Variants in NT5C1A observed in about 807,000 individuals in gnomAD.
NT5C1A encodes 5'-nucleotidase, cytosolic IA.
NT5C1A carries 18 observed loss-of-function variants against 31.0 expected under a neutral mutation model. The ratio of observed to expected loss-of-function variants is 0.58; its 90% CI spans 0.40 to 0.86. NT5C1A has a LOEUF of 0.86. Ranked by LOEUF, NT5C1A falls within the 40% of genes least tolerant of loss-of-function variation. NT5C1A has a pLI of 0.00. For missense variants in NT5C1A, 470 were observed against 505.4 expected (o/e 0.93, Z 0.67); for synonymous variants, 185 against 203.6 (o/e 0.91, Z 0.78).
Position 39,654,335 on chromosome 1 carries a change from T to A in NT5C1A, c.*4786A>T, listed in dbSNP as rs921925438. ...CTCTTCACGACGGACTTGTTCTTGC[T>A]TTCACAGAAAGTACATGGATGACCT... On this transcript the variant is annotated 3_prime_UTR_variant, in exon 6 of 6. Coordinates refer to ENST00000235628, the MANE Select transcript of NT5C1A (RefSeq NM_032526.3). Among the ~76,000 whole-genome samples, 10 of 152,368 alleles carry A rather than the reference T, an allele frequency of 6.6e-5. No homozygotes were observed. The highest frequency in any genetic ancestry group is 2.4e-4 in the African/African-American group (10 of 41,596).
intron 2 of NT5C1A, 136 bp from the exon 3 acceptor site, chr1:39,665,786 T>C: frequency 1.1e-6 from 1 of 914,598 alleles, no homozygotes; most frequent in East Asian, 2.4e-5. Context: ...CTTCTCCTAA[T>C]GCAAGTTGCT....
At chr1:39,662,659 A>G (rs1268437855) in intron 4 of NT5C1A, among the ~76,000 whole-genome samples, 1 of 151,944 alleles carries the variant, frequency 6.6e-6, no homozygotes, top group African/African-American at 2.4e-5. Context: ...AGCCTAAGGA[A>G]CCCTCTCAGG....
In NT5C1A at chr1:39,672,001, C is replaced by T. The variant is rs1646555084; in HGVS notation, c.38G>A (p.Arg13His). Residue 13 changes from arginine to histidine, a missense_variant, in exon 1 of 6, where the codon CGC (arginine) becomes CAC (histidine). Coordinates refer to ENST00000235628, the MANE Select transcript of NT5C1A (RefSeq NM_032526.3). ...GGTCTCCGCTCCTGGCCCGGGCTCG[C>T]GGGGCTCCTGGGGCTCCCGGGGCTG... ...PGQPREPQEPREPGPGAETAA... is the reference protein window; with the variant it reads ...PGQPREPQEPHEPGPGAETAA... 1.2e-6 allele frequency: 2 copies of T among 1,608,024 alleles called. No individual in the cohort carries two copies. Among genetic ancestry groups the T allele is most frequent in the Non-Finnish European group, 1.7e-6 (2 of 1,179,430 alleles).
intron 1 of NT5C1A, among the ~76,000 whole-genome samples, chr1:39,669,631 G>A (rs1646540223): frequency 6.6e-6 from 1 of 152,160 alleles, no homozygotes; most frequent in South Asian, 2.1e-4. Context: ...TGAGAGTCAG[G>A]GGCTGATCCA....
At chr1:39,669,560 G>T (rs1570463144) in intron 1 of NT5C1A, among the ~76,000 whole-genome samples, 1 of 152,194 alleles carries the variant, frequency 6.6e-6, no homozygotes, top group Admixed American at 6.5e-5. Flanking sequence ...GGGAAGAGGG[G>T]CTTCTGCAGG....
At chr1:39,667,969 C>G (rs1646532515) in intron 1 of NT5C1A, among the ~76,000 whole-genome samples, 1 of 152,214 alleles carries the variant, frequency 6.6e-6, no homozygotes, top group Non-Finnish European at 1.5e-5. Context: ...CAAAAGAGTT[C>G]CCCAAGGTCA....
Position 39,655,812 on chromosome 1 carries a change from C to G in NT5C1A, c.*3309G>C, listed in dbSNP as rs368245362. Among the ~76,000 whole-genome samples the G allele has an allele frequency of 1.3e-3, 201 of 152,114 alleles. 2 individuals carry two copies. The highest frequency in any genetic ancestry group is 4.7e-3 in the African/African-American group (197 of 41,502). ...ACAGTGGAAAGGTCAGCTGAGGCCA[C>G]GAGGAGACATTCAGGGGACTCAGCG... On this transcript the variant is annotated 3_prime_UTR_variant, in exon 6 of 6. Transcript: ENST00000235628.
In NT5C1A at chr1:39,659,394, G is replaced by C; in HGVS notation, c.834C>G (p.Tyr278Ter). 1 of 1,613,734 alleles carries C rather than the reference G, an allele frequency of 6.2e-7. No individual in the cohort carries two copies. Among genetic ancestry groups the C allele is most frequent in the Non-Finnish European group, 8.5e-7 (1 of 1,179,990 alleles). Residue 278 changes from tyrosine (Y) to a stop codon, truncating the protein, a stop_gained, in exon 6 of 6, where the codon TAC (tyrosine) becomes TAG (stop). Transcript: ENST00000235628. LOFTEE classifies it high-confidence loss of function. ...TGGCTGCACTGCGTGCTGTCACCAA[G>C]TAGGTACGAATTGGGCACTCCAGCC... ...GLRLECPIRT[Y>*]LVTARSAASS...
chr1:39,659,106 A>G lies in NT5C1A; in HGVS notation c.*15T>C. The stretch of plus-strand genomic sequence containing the variant: ...GAGCCTGGAGCAATGTGGATCAGTA[A>G]AGCCGGTGGTTCAGCTACTGTGCAG... On this transcript the variant is annotated 3_prime_UTR_variant, in exon 6 of 6. Transcript: ENST00000235628. 4 of 1,571,908 alleles carry G rather than the reference A, an allele frequency of 2.5e-6. No individual in the cohort carries two copies. The South Asian group carries it at 3.5e-5, about 14-fold the overall frequency.
In NT5C1A at chr1:39,666,053, G is replaced by A. The variant is rs368240071; in HGVS notation, c.303+16C>T. The stretch of plus-strand genomic sequence containing the variant: ...CGAAGGCGCTATATGAGCTAGTGGT[G>A]GAACTGCTCCCTCACCTTCACAAAA... On this transcript the variant is annotated intron_variant, in intron 2 of 5. Transcript: ENST00000235628. The A allele has an allele frequency of 2.5e-6, 4 of 1,608,362 alleles. No homozygotes were observed. In the African/African-American group the frequency reaches 4.0e-5, roughly 16 times the overall value.
At position 39,658,932 on chromosome 1, in the gene NT5C1A, G is replaced by T. The variant is rs1646476245; in HGVS notation, c.*189C>A. Among the ~76,000 whole-genome samples, 1 of 152,154 alleles carries T rather than the reference G, an allele frequency of 6.6e-6. No individual in the cohort carries two copies. The highest frequency in any genetic ancestry group is 6.6e-5 in the Admixed American group (1 of 15,266). ...TACTCAGGATCATGGCACAGAATTT[G>T]CCCCAAAGGAGGGATGTTGAGAATG... On this transcript the variant is annotated 3_prime_UTR_variant, in exon 6 of 6. Coordinates refer to ENST00000235628, the MANE Select transcript of NT5C1A (RefSeq NM_032526.3).
chr1:39,661,321 G>A (rs1646492349), intron 4 of NT5C1A, 58 bp from the exon 5 acceptor site: 2 of 824,298 alleles, frequency 2.4e-6, no homozygotes, highest in Non-Finnish European at 2.0e-6. Context: ...GGCTAGAGTG[G>A]GCTATCTTAG....
intron 4 of NT5C1A, 86 bp downstream of exon 4, chr1:39,663,226 C>T (rs1646500490): frequency 1.3e-6 from 2 of 1,510,408 alleles, no homozygotes; most frequent in Non-Finnish European, 1.8e-6. Flanking sequence ...ACTCCCAGCA[C>T]CTGCTCGGAA....
rs992461958 is a variant in NT5C1A at position 39,656,580 on chromosome 1, T to C, written c.*2541A>G. On this transcript the variant is annotated 3_prime_UTR_variant, in exon 6 of 6. Coordinates refer to ENST00000235628, the MANE Select transcript of NT5C1A (RefSeq NM_032526.3). ...TTCTGCTTCCAGCATCATATTTTCCTGCTTCCTGAGAGACATGGAATCATC... is the reference window on the plus strand; with the variant it reads ...TTCTGCTTCCAGCATCATATTTTCCCGCTTCCTGAGAGACATGGAATCATC... Among the ~76,000 whole-genome samples the C allele has an allele frequency of 2.6e-5, 4 of 152,276 alleles. No homozygotes were observed. Among genetic ancestry groups the C allele is most frequent in the African/African-American group, 9.6e-5 (4 of 41,478 alleles).
Position 39,659,024 on chromosome 1 carries a change from G to A in NT5C1A, c.*97C>T. 3 of 1,451,968 alleles carry A rather than the reference G, an allele frequency of 2.1e-6. No individual in the cohort carries two copies. The highest frequency in any genetic ancestry group is 2.7e-5 in the South Asian group (2 of 73,530). The allele number at this position is 1,451,968 out of a possible 1,614,324, so 89.9% of individuals were successfully genotyped here. On this transcript the variant is annotated 3_prime_UTR_variant, in exon 6 of 6. Coordinates refer to ENST00000235628, the MANE Select transcript of NT5C1A (RefSeq NM_032526.3). ...AGGGATGAGGGCAGACAGGCAGAAGGACAGAACAGTGAGAAACTAGAGGGA... is the reference window on the plus strand; with the variant it reads ...AGGGATGAGGGCAGACAGGCAGAAGAACAGAACAGTGAGAAACTAGAGGGA...
In NT5C1A at chr1:39,654,476, A is replaced by C. The variant is rs1407166585; in HGVS notation, c.*4645T>G. ...TCATTGCCTAAGAGGCCCCATGAGG[A>C]AATGAGTCGGGAATACAAAGCCATG... On this transcript the variant is annotated 3_prime_UTR_variant, in exon 6 of 6. Coordinates refer to ENST00000235628, the MANE Select transcript of NT5C1A (RefSeq NM_032526.3). 4.6e-5 allele frequency among the ~76,000 whole-genome samples: 7 copies of C among 152,224 alleles called. No homozygotes were observed. Among genetic ancestry groups the C allele is most frequent in the Admixed American group, 3.9e-4 (6 of 15,290 alleles).
intron 5 of NT5C1A, 132 bp downstream of exon 5, chr1:39,660,947 G>A: frequency 1.7e-6 from 1 of 600,376 alleles, no homozygotes; most frequent in Non-Finnish European, 3.1e-6. Context: ...TCAAGTGAGA[G>A]GGTCGAGGGG....
chr1:39,655,366 T>C lies in NT5C1A; in HGVS notation c.*3755A>G, dbSNP rs1177280273. Among the ~76,000 whole-genome samples the C allele has an allele frequency of 2.0e-5, 3 of 152,220 alleles. No individual in the cohort carries two copies. The highest frequency in any genetic ancestry group is 4.4e-5 in the Non-Finnish European group (3 of 68,040). On this transcript the variant is annotated 3_prime_UTR_variant, in exon 6 of 6. Transcript: ENST00000235628. ...CTGGGTTTCTCAAAACTTGGGATTG[T>C]TTGGAAGTGCTTCTGGGGGTTCACA...
chr1:39,652,632 T>C lies in NT5C1A; in HGVS notation c.*6489A>G, dbSNP rs910495927. On this transcript the variant is annotated 3_prime_UTR_variant, in exon 6 of 6. Transcript: ENST00000235628. ...TCCGTGGCAGATGGCCATGAAGGCA[T>C]ATATTCACCCACAGGCCAGGAGTGT... Among the ~76,000 whole-genome samples the C allele has an allele frequency of 6.6e-6, 1 of 152,076 alleles. No individual in the cohort carries two copies. The highest frequency in any genetic ancestry group is 2.4e-5 in the African/African-American group (1 of 41,400).
Sources: gnomAD v4.1 joint callset for allele counts (sites outside exome capture counted in the v4.1 genomes callset) on GRCh38, gnomAD v4.1.1 for gene constraint, MANE v1.5 for transcripts, NCBI Gene and HGNC (gene_info 2026-07-23, HGNC 2026-07-21) for gene names.